PKD2: variants seen among roughly 807,000 people sequenced by gnomAD.
PKD2 encodes polycystin-2.
A neutral mutation model predicts 105.9 loss-of-function variants in PKD2; 48 were observed. That is an observed-to-expected ratio of 0.45 (90% CI 0.36 to 0.58). The LOEUF is 0.58. PKD2 is among the 20% of genes least tolerant of loss of function. The probability of loss-of-function intolerance (pLI) is 0.00; values close to 1 mark genes in which losing one functional copy is unlikely to be tolerated. For missense variants in PKD2, 1,078 were observed against 1,255.3 expected (o/e 0.86, Z 2.13); for synonymous variants, 464 against 481.1 (o/e 0.96, Z 0.46).
chr4:88,060,116 C>A (rs1720515630), intron 9 of PKD2, among the ~76,000 whole-genome samples: 1 of 152,126 alleles, frequency 6.6e-6, no homozygotes, highest in Non-Finnish European at 1.5e-5. Flanking sequence ...TTTGAAATCT[C>A]TTTAGAGGTC....
At chr4:88,039,664 C>CAA (rs368041376) in intron 4 of PKD2, among the ~76,000 whole-genome samples, 43,667 of 96,840 alleles carry the variant, frequency 0.45, 8,672 homozygotes, top group African/African-American at 0.57. Flanking sequence ...GACTCCCCCT[C>CAA]AAAAAAAAAA....
At chr4:88,056,982 G>T (rs1009998784) in intron 8 of PKD2, among the ~76,000 whole-genome samples, 1 of 150,360 alleles carries the variant, frequency 6.7e-6, no homozygotes, top group Non-Finnish European at 1.5e-5. Flanking sequence ...TTTTTGTTTT[G>T]TTTTTTTTTG....
Position 88,052,040 on chromosome 4 carries a change from A to T in PKD2, c.1598A>T (p.Glu533Val), listed in dbSNP as rs777708333. 1.2e-6 allele frequency: 2 copies of T among 1,600,488 alleles called. No individual in the cohort carries two copies. The highest frequency in any genetic ancestry group is 2.7e-5 in the African/African-American group (2 of 74,694). ...GINIYRTSNV[E>V]VLLQFLEDQN... Reference sequence around the variant, plus strand: ...AACATATACAGAACATCAAATGTGGAGGTGCTACTACAGTTTCTGGAAGAT... The same window carrying T: ...AACATATACAGAACATCAAATGTGGTGGTGCTACTACAGTTTCTGGAAGAT... Residue 533 changes from glutamate to valine, a missense_variant, in exon 7 of 15, where the codon GAG (glutamate) becomes GTG (valine). Glu to Val is a moderately radical substitution (Grantham distance 121). Around this residue, in one of 2 missense-constraint regions of PKD2, gnomAD observed 868 missense variants for 1,067.3 expected, o/e 0.81. Coordinates refer to ENST00000237596, the MANE Select transcript of PKD2 (RefSeq NM_000297.4).
chr4:88,032,668 A>G (rs1727204856), intron 2 of PKD2, among the ~76,000 whole-genome samples: 2 of 152,172 alleles, frequency 1.3e-5, no homozygotes, highest in South Asian at 4.1e-4. Context: ...TTTCTTCACA[A>G]TTCATTTCAT....
chr4:88,052,278 A>G, intron 7 of PKD2, 120 bp downstream of exon 7: 1 of 695,252 alleles, frequency 1.4e-6, no homozygotes, highest in East Asian at 2.7e-5. Context: ...GCTGCTCAAT[A>G]TTTACTTTGA....
intron 9 of PKD2, 137 bp downstream of exon 9, chr4:88,058,240 C>T (rs1720436352): frequency 6.1e-6 from 4 of 651,392 alleles, no homozygotes; most frequent in Non-Finnish European, 1.1e-5. Context: ...TGTTGGAAAA[C>T]TTATTTTCCT....
intron 2 of PKD2, among the ~76,000 whole-genome samples, chr4:88,025,401 A>G (rs531984359): frequency 2.0e-5 from 3 of 152,074 alleles, no homozygotes; most frequent in African/African-American, 7.2e-5. Flanking sequence ...CTATGATTAG[A>G]CCACTGCACT....
intron 13 of PKD2, among the ~76,000 whole-genome samples, chr4:88,073,592 A>G (rs1248857930): frequency 2.6e-5 from 4 of 151,524 alleles, no homozygotes; most frequent in Non-Finnish European, 5.9e-5. Context: ...CCTGGGAGAT[A>G]CTGTAGCCCT....
At chr4:88,031,490 C>G (rs1258321761) in intron 2 of PKD2, among the ~76,000 whole-genome samples, 2 of 152,164 alleles carry the variant, frequency 1.3e-5, no homozygotes, top group African/African-American at 2.4e-5. Context: ...ATGGCTTCAT[C>G]TTGTGGCAGA....
intron 4 of PKD2, among the ~76,000 whole-genome samples, chr4:88,040,268 G>A (rs757752542): frequency 4.6e-5 from 7 of 152,138 alleles, no homozygotes; most frequent in South Asian, 4.2e-4. Context: ...TATTAATTGC[G>A]TCGTTAGGGT....
At chr4:88,034,804 G>A (rs1196660260) in intron 2 of PKD2, among the ~76,000 whole-genome samples, 1 of 152,032 alleles carries the variant, frequency 6.6e-6, no homozygotes, top group Non-Finnish European at 1.5e-5. Context: ...GTTCAGGTAA[G>A]TATTAATCAC....
chr4:88,007,900 T>A lies in PKD2; in HGVS notation c.167T>A (p.Met56Lys). Residue 56 changes from methionine to lysine, a missense_variant, in exon 1 of 15, where the codon ATG becomes AAG. Transcript: ENST00000237596. ...LCEQRGLEIE[M>K]QRIRQAAARD... is the part of the protein sequence containing the mutation. The stretch of plus-strand genomic sequence containing the variant: ...GAGCAGCGGGGCCTGGAGATCGAGA[T>A]GCAGCGCATCCGGCAGGCGGCCGCG... The A allele has an allele frequency of 1.4e-6, 2 of 1,419,410 alleles. No homozygotes were observed. The highest frequency in any genetic ancestry group is 6.1e-5 in the East Asian group (2 of 32,658). The allele number at this position is 1,419,410 out of a possible 1,614,324, so 87.9% of individuals were successfully genotyped here.
intron 13 of PKD2, among the ~76,000 whole-genome samples, 193 bp from the exon 14 acceptor site, chr4:88,074,619 G>C (rs1721162866): frequency 6.6e-6 from 1 of 152,238 alleles, no homozygotes; most frequent in Non-Finnish European, 1.5e-5. Context: ...TGACTTGCAG[G>C]AAAGTTGTTT....
chr4:88,012,486 C>G (rs1031889000), intron 1 of PKD2, among the ~76,000 whole-genome samples: 2 of 152,042 alleles, frequency 1.3e-5, no homozygotes, highest in Non-Finnish European at 2.9e-5. Flanking sequence ...CCAACACAGT[C>G]CGTGTATCCA....
At chr4:88,041,016 T>G (rs1286367709) in intron 4 of PKD2, among the ~76,000 whole-genome samples, 1 of 152,192 alleles carries the variant, frequency 6.6e-6, no homozygotes, top group African/African-American at 2.4e-5. Context: ...GAAACGTCCT[T>G]TCTTCACAGA....
At chr4:88,018,699 T>C (rs1184453016) in intron 1 of PKD2, among the ~76,000 whole-genome samples, 2 of 152,204 alleles carry the variant, frequency 1.3e-5, no homozygotes, top group Non-Finnish European at 2.9e-5. Context: ...GGTTACGTCA[T>C]CTTCACTCAG....
intron 4 of PKD2, 114 bp downstream of exon 4, chr4:88,038,615 T>A: frequency 9.0e-7 from 1 of 1,108,754 alleles, no homozygotes; most frequent in Admixed American, 1.7e-5. Flanking sequence ...ATAAGTTCAG[T>A]GACTCTTCAG....
chr4:88,075,113 CAG>C (rs1441864410), intron 14 of PKD2, among the ~76,000 whole-genome samples, 154 bp downstream of exon 14: 1 of 152,164 alleles, frequency 6.6e-6, no homozygotes, highest in African/African-American at 2.4e-5. Context: ...CTCTCATTTT[CAG>C]ATTTTTTTCT....
At chr4:88,040,925 A>G (rs1164938712) in intron 4 of PKD2, among the ~76,000 whole-genome samples, 2 of 152,138 alleles carry the variant, frequency 1.3e-5, no homozygotes, top group Non-Finnish European at 2.9e-5. Context: ...ACAATGTGCC[A>G]GGCATGTTCC....
Sources: gnomAD v4.1 joint callset for allele counts (sites outside exome capture counted in the v4.1 genomes callset) on GRCh38, gnomAD v4.1.1 for gene constraint, gnomAD v4.1.1 regional missense constraint, MANE v1.5 for transcripts, NCBI Gene and HGNC (gene_info 2026-07-23, HGNC 2026-07-21) for gene names.